The following RPS6KA2 variants were observed in gnomAD, a reference collection of about 807,000 sequenced individuals.
RPS6KA2 encodes the protein ribosomal protein S6 kinase A2.
A neutral mutation model predicts 91.8 loss-of-function variants in RPS6KA2; 42 were observed. The ratio of observed to expected loss-of-function variants is 0.46; its 90% confidence interval spans 0.36 to 0.59. The LOEUF (loss-of-function observed/expected upper bound fraction) is 0.59, where lower values mean the gene tolerates loss of function less well. Among genes scored for constraint, RPS6KA2 ranks in the 20% least tolerant of loss-of-function variants. The pLI, the probability that RPS6KA2 is intolerant of heterozygous loss-of-function variation, is 0.00. For synonymous variants in RPS6KA2, 414 were observed against 393.6 expected (o/e 1.05, Z -0.61); for missense variants, 798 against 978.5 (o/e 0.82, Z 2.46).
chr6:166,800,214 G>A (rs1241993833), intron 2 of RPS6KA2, among the ~76,000 whole-genome samples: 2 of 152,184 alleles, frequency 1.3e-5, no homozygotes, highest in South Asian at 2.1e-4. Context: ...GGGGCAATTA[G>A]GCCAACGTAC....
In RPS6KA2 at chr6:166,472,843, T is replaced by C. The variant is rs1353805923; in HGVS notation, c.908-2938A>G. On this transcript the variant is annotated intron_variant, in intron 10 of 20. Coordinates refer to ENST00000265678, the MANE Select transcript of RPS6KA2 (RefSeq NM_021135.6). The stretch of plus-strand genomic sequence containing the variant: ...GGTTCTAGAGGACTGCTGCCACTCA[T>C]CTAGATCATGAAGCACTGACAAGAA... Among the ~76,000 whole-genome samples the C allele has an allele frequency of 4.6e-5, 7 of 152,224 alleles. No individual in the cohort carries two copies. In the East Asian group the frequency reaches 5.8e-4, roughly 13 times the overall value.
chr6:166,854,367 T>C (rs1780829430), intron 2 of RPS6KA2, among the ~76,000 whole-genome samples: 1 of 152,212 alleles, frequency 6.6e-6, no homozygotes, highest in Non-Finnish European at 1.5e-5. Context: ...AAATGCCTTC[T>C]ACACTTCAAA....
chr6:166,416,677 G>T (rs1778539995), intron 19 of RPS6KA2, among the ~76,000 whole-genome samples: 1 of 84,990 alleles, frequency 1.2e-5, no homozygotes, highest in African/African-American at 3.1e-5. Flanking sequence ...CTCCATCCCT[G>T]CTCCCACCAT....
At chr6:166,594,017 C>T (rs1174419547) in intron 1 of RPS6KA2, among the ~76,000 whole-genome samples, 1 of 152,110 alleles carries the variant, frequency 6.6e-6, no homozygotes, top group African/African-American at 2.4e-5. Context: ...AGTGCACGGA[C>T]AATTCTGTGT....
chr6:166,623,159 C>T (rs1004080243), intron 1 of RPS6KA2, among the ~76,000 whole-genome samples: 2 of 152,242 alleles, frequency 1.3e-5, no homozygotes, highest in Non-Finnish European at 2.9e-5. Context: ...CCAAAGAGAA[C>T]CCTCTGGCTT....
At chr6:166,706,139 C>T (rs926201128) in intron 2 of RPS6KA2, among the ~76,000 whole-genome samples, 16 of 152,284 alleles carry the variant, frequency 1.1e-4, no homozygotes, top group African/African-American at 3.4e-4. Context: ...CTCCGTTTAT[C>T]GTTTTTCATT....
intron 2 of RPS6KA2, 94 bp downstream of exon 2, chr6:166,538,574 G>T: frequency 4.2e-6 from 3 of 713,606 alleles, no homozygotes; most frequent in Non-Finnish European, 5.1e-6. Flanking sequence ...CCCTGCAGGT[G>T]AGGACCGCCT....
intron 2 of RPS6KA2, among the ~76,000 whole-genome samples, chr6:166,792,288 C>G (rs1409617457): frequency 6.6e-6 from 1 of 152,174 alleles, no homozygotes; most frequent in Non-Finnish European, 1.5e-5. Flanking sequence ...CATACACCGA[C>G]CCAAGACTAA....
rs78504042 is a variant in RPS6KA2, at chr6:166,445,625, C to A, written c.1332+3099G>T. 7.2e-3 allele frequency among the ~76,000 whole-genome samples: 1,096 copies of A among 152,312 alleles called. 13 individuals carry two copies. Among genetic ancestry groups the A allele is most frequent in the African/African-American group, 0.025 (1,053 of 41,568 alleles). On this transcript the variant is annotated intron_variant, in intron 14 of 20. Coordinates refer to ENST00000265678, the MANE Select transcript of RPS6KA2 (RefSeq NM_021135.6). The surrounding 1 kb of genome is among the most constrained non-coding windows in gnomAD (Gnocchi z 4.5). The stretch of plus-strand genomic sequence containing the variant: ...CTGCCCTGGGCAGAATCCATCGATT[C>A]TGGTCACTCTCCTCATTGCTTACTA...
At chr6:166,573,446 G>A (rs1784749226) in intron 1 of RPS6KA2, among the ~76,000 whole-genome samples, 1 of 152,242 alleles carries the variant, frequency 6.6e-6, no homozygotes, top group African/African-American at 2.4e-5. Flanking sequence ...CACGTGTTCT[G>A]ATGCAGGAAG....
chr6:166,759,907 G>C (rs1423587771), intron 2 of RPS6KA2, among the ~76,000 whole-genome samples: 1 of 152,126 alleles, frequency 6.6e-6, no homozygotes, highest in Non-Finnish European at 1.5e-5. Flanking sequence ...CTACTGCAGG[G>C]GATTTCTGAG....
intron 2 of RPS6KA2, among the ~76,000 whole-genome samples, chr6:166,719,744 T>C (rs1790119687): frequency 6.6e-6 from 1 of 152,220 alleles, no homozygotes; most frequent in Non-Finnish European, 1.5e-5. Flanking sequence ...AGTTTCAGAC[T>C]GAAAGCCGAC....
chr6:166,819,445 C>A (rs1779848536), intron 2 of RPS6KA2, among the ~76,000 whole-genome samples: 2 of 152,104 alleles, frequency 1.3e-5, no homozygotes, highest in Admixed American at 1.3e-4. Context: ...AGTCCCAAGC[C>A]CCACAGTCGC....
intron 2 of RPS6KA2, among the ~76,000 whole-genome samples, chr6:166,835,157 G>T (rs750093375): frequency 2.0e-5 from 3 of 152,152 alleles, no homozygotes; most frequent in Non-Finnish European, 4.4e-5. Flanking sequence ...CATTGACTAT[G>T]TCTACTTTTA....
chr6:166,807,152 T>C (rs548189108), intron 2 of RPS6KA2, among the ~76,000 whole-genome samples: 12 of 152,304 alleles, frequency 7.9e-5, no homozygotes, highest in African/African-American at 2.9e-4. Context: ...TCCATACCAA[T>C]AATCACTTTA....
At chr6:166,742,122 G>A (rs563040165) in intron 2 of RPS6KA2, among the ~76,000 whole-genome samples, 74 of 152,238 alleles carry the variant, frequency 4.9e-4, no homozygotes, top group Non-Finnish European at 7.5e-4. Context: ...AACAGAGCGA[G>A]ACTCCATCTC....
At chr6:166,776,495 T>G (rs375708147) in intron 2 of RPS6KA2, among the ~76,000 whole-genome samples, 1 of 152,208 alleles carries the variant, frequency 6.6e-6, no homozygotes, top group South Asian at 2.1e-4. Context: ...TGGCGTTTAG[T>G]GCATTCACAC....
At chr6:166,829,786 C>G (rs543517188) in intron 2 of RPS6KA2, among the ~76,000 whole-genome samples, 1 of 151,842 alleles carries the variant, frequency 6.6e-6, no homozygotes, top group South Asian at 2.1e-4. Flanking sequence ...GTGTATATAC[C>G]TACAATGGAA....
At chr6:166,507,923 A>G (rs565272542) in intron 5 of RPS6KA2, among the ~76,000 whole-genome samples, 14 of 100,434 alleles carry the variant, frequency 1.4e-4, no homozygotes, top group African/African-American at 5.7e-4. Context: ...CACCCCACAC[A>G]TCACGCACAT....
Sources: gnomAD v4.1 joint callset for allele counts (sites outside exome capture counted in the v4.1 genomes callset) on GRCh38, gnomAD v4.1.1 for gene constraint, Gnocchi (gnomAD v3.1) non-coding constraint, MANE v1.5 for transcripts, NCBI Gene and HGNC (gene_info 2026-07-23, HGNC 2026-07-21) for gene names.